The following OTUD7B variants were observed in gnomAD, a reference collection of about 807,000 sequenced individuals.
OTUD7B encodes OTU domain-containing protein 7B.
In OTUD7B, 34 loss-of-function variants were observed where a neutral mutation model predicts 82.2. The observed-to-expected ratio is 0.41, with a 90% CI of 0.31 to 0.55. OTUD7B has a LOEUF of 0.55. Among genes scored for constraint, OTUD7B ranks in the 20% least tolerant of loss-of-function variants. The pLI is 0.20. For synonymous variants in OTUD7B, 398 were observed against 402.7 expected (o/e 0.99, Z 0.14); for missense variants, 944 against 1,062.1 (o/e 0.89, Z 1.55).
At chr1:149,950,789 G>GTTT (rs76513068) in intron 7 of OTUD7B, among the ~76,000 whole-genome samples, 111,461 of 132,858 alleles carry the variant, frequency 0.84, 47,353 homozygotes, top group East Asian at 0.97. Context: ...TGTGTTTTTT[G>GTTT]TTTTTTTTTC....
At position 149,950,202 on chromosome 1, in the gene OTUD7B, G is replaced by A. The variant is rs377556262; in HGVS notation, c.865C>T (p.Pro289Ser). 6.2e-7 allele frequency: 1 copy of A among 1,614,034 alleles called. No homozygotes were observed. The change falls in exon 8 of 12, where the codon CCT becomes TCT. Residue 289 changes from proline to serine, a missense_variant. Coordinates refer to ENST00000581312, the MANE Select transcript of OTUD7B (RefSeq NM_020205.4). ...AACTCTTCAAGGCTCTCATATACAGGCTCCTCAGAACTCTCCACCCTGGAA... is the reference window on the plus strand; with the variant it reads ...AACTCTTCAAGGCTCTCATATACAGACTCCTCAGAACTCTCCACCCTGGAA... ...NCGGVESSEE[P>S]VYESLEEFHV...
At chr1:149,955,504 A>T (rs190235711) in intron 7 of OTUD7B, among the ~76,000 whole-genome samples, 1 of 152,376 alleles carries the variant, frequency 6.6e-6, no homozygotes, top group African/African-American at 2.4e-5. Flanking sequence ...GGTGCTAAGA[A>T]GAATGTATAT....
chr1:150,035,957 G>GTTTTTT, the OTUD7B span, among the ~76,000 whole-genome samples: 1 of 134,268 alleles, frequency 7.4e-6, no homozygotes, highest in Non-Finnish European at 1.5e-5. Context: ...CATTGTAACT[G>GTTTTTT]TTTTTTTTTT....
At position 149,941,840 on chromosome 1, in the gene OTUD7B, C is replaced by T. The variant is rs1647279433; in HGVS notation, c.*2017G>A. 6.6e-6 allele frequency: 1 copy of T among 152,108 alleles called. No homozygotes were observed. The highest frequency in any genetic ancestry group is 1.5e-5 in the Non-Finnish European group (1 of 68,030). 9.4% of individuals were successfully genotyped at this position (152,108 alleles called of 1,614,324 possible). On this transcript the variant is annotated 3_prime_UTR_variant, in exon 12 of 12. Transcript: ENST00000581312. The stretch of plus-strand genomic sequence containing the variant: ...TTATAGTAACCCTTAAATTTTGCAA[C>T]TTAGGGGAGTGCTCATCTCATACCA...
chr1:150,023,726 G>C, the OTUD7B span, among the ~76,000 whole-genome samples: 14 of 152,148 alleles, frequency 9.2e-5, no homozygotes, highest in African/African-American at 3.4e-4. Flanking sequence ...GCAGCATGAC[G>C]ACCTTGGTTA....
the OTUD7B span, among the ~76,000 whole-genome samples, chr1:150,026,974 A>C: frequency 1.3e-5 from 2 of 152,250 alleles, no homozygotes; most frequent in Non-Finnish European, 2.9e-5. Flanking sequence ...TGAAATTTCT[A>C]AACAGTTAAA....
chr1:150,026,638 G>T, the OTUD7B span, among the ~76,000 whole-genome samples: 4 of 152,236 alleles, frequency 2.6e-5, no homozygotes, highest in South Asian at 8.3e-4. Flanking sequence ...TTTTTCTCGG[G>T]TTACAAGGTC....
upstream of OTUD7B, among the ~76,000 whole-genome samples, chr1:150,014,857 T>C (rs1038571052): frequency 5.3e-5 from 8 of 152,178 alleles, no homozygotes; most frequent in East Asian, 1.5e-3. Context: ...TTGATAAGGA[T>C]GGCTGTTACA....
rs189175895 is a variant in OTUD7B, at chr1:150,001,877, C to T, written c.-67+8571G>A. 3.4e-3 allele frequency among the ~76,000 whole-genome samples: 515 copies of T among 152,306 alleles called. 4 individuals are homozygous for T. The highest frequency in any genetic ancestry group is 0.012 in the African/African-American group (493 of 41,562). On this transcript the variant is annotated intron_variant, in intron 1 of 11. Coordinates refer to ENST00000581312, the MANE Select transcript of OTUD7B (RefSeq NM_020205.4). Reference sequence around the variant, plus strand: ...AATGGAAGGTATCCATCCTTCCACACGTCCTTAAGTCCCAATTTCTCCCAG... The same window carrying T: ...AATGGAAGGTATCCATCCTTCCACATGTCCTTAAGTCCCAATTTCTCCCAG...
chr1:150,023,598 A>G, the OTUD7B span, among the ~76,000 whole-genome samples: 2 of 152,226 alleles, frequency 1.3e-5, no homozygotes, highest in Non-Finnish European at 2.9e-5. Flanking sequence ...TCATAGACAC[A>G]GAGAGTAGAA....
At chr1:149,965,206 T>A (rs920502051) in intron 5 of OTUD7B, among the ~76,000 whole-genome samples, 5 of 152,112 alleles carry the variant, frequency 3.3e-5, no homozygotes, top group Non-Finnish European at 5.9e-5. Flanking sequence ...ACTTTAAATA[T>A]TAAGCCTATT....
At chr1:150,026,843 G>A in the OTUD7B span, among the ~76,000 whole-genome samples, 34 of 152,176 alleles carry the variant, frequency 2.2e-4, no homozygotes, top group Non-Finnish European at 2.6e-4. Flanking sequence ...CTGCAGATTG[G>A]CCATATAAAC....
chr1:150,012,299 A>G (rs1410782500), upstream of OTUD7B, among the ~76,000 whole-genome samples: 1 of 152,114 alleles, frequency 6.6e-6, no homozygotes, highest in Non-Finnish European at 1.5e-5. Flanking sequence ...GTTGGAAAGG[A>G]GCTGAAAAGG....
intron 1 of OTUD7B, among the ~76,000 whole-genome samples, chr1:149,998,146 T>C (rs782284499): frequency 2.0e-5 from 3 of 152,122 alleles, no homozygotes; most frequent in Admixed American, 2.0e-4. Context: ...AGTTACCAAA[T>C]TCCCCTTATC....
At chr1:149,994,193 T>C (rs2101908151) in intron 1 of OTUD7B, among the ~76,000 whole-genome samples, 1 of 151,068 alleles carries the variant, frequency 6.6e-6, no homozygotes, top group East Asian at 1.9e-4. Flanking sequence ...AACTTTGCAG[T>C]TCATAAAATA....
At chr1:149,965,006 C>T (rs1014006500) in intron 5 of OTUD7B, among the ~76,000 whole-genome samples, 1 of 151,386 alleles carries the variant, frequency 6.6e-6, no homozygotes, top group Non-Finnish European at 1.5e-5. Flanking sequence ...AATTCTCCTG[C>T]CTCAGCCTCC....
At position 149,951,001 on chromosome 1, in the gene OTUD7B, T is replaced by TTTTTTTTTTTTTTTTTTTTTTTTTTG. The variant is rs1388877490; in HGVS notation, c.846-781_846-780insCAAAAAAAAAAAAAAAAAAAAAAAAA. ...TATTTTTTTTTTTTTTTTTTTTTTG[T>TTTTTTTTTTTTTTTTTTTTTTTTTTG]AGATGGAGTCTCACTCTTTCGCCCA... On this transcript the variant is annotated intron_variant, in intron 7 of 11. Transcript: ENST00000581312. 4.7e-5 allele frequency among the ~76,000 whole-genome samples: 3 copies of TTTTTTTTTTTTTTTTTTTTTTTTTTG among 63,706 alleles called. 1 individual carries two copies. The highest frequency in any genetic ancestry group is 7.0e-5 in the African/African-American group (1 of 14,344). 41.8% of individuals were successfully genotyped at this position (63,706 alleles called of 152,430 possible).
At chr1:150,065,852 T>TTTTTTTTTTTTTTTTTTTTTTTTTTTG in the OTUD7B span, among the ~76,000 whole-genome samples, 1 of 152,204 alleles carries the variant, frequency 6.6e-6, no homozygotes, top group African/African-American at 2.4e-5. Flanking sequence ...TCAAAATGTT[T>TTTTTTTTTTTTTTTTTTTTTTTTTTTG]ATGTTCCATA....
At chr1:149,993,290 C>T (rs1390179722) in intron 1 of OTUD7B, among the ~76,000 whole-genome samples, 1 of 152,232 alleles carries the variant, frequency 6.6e-6, no homozygotes, top group East Asian at 1.9e-4. Flanking sequence ...CAGGTCACTG[C>T]AATTCTCTCC....
Sources: gnomAD v4.1 joint callset for allele counts (sites outside exome capture counted in the v4.1 genomes callset) on GRCh38, gnomAD v4.1.1 for gene constraint, MANE v1.5 for transcripts, NCBI Gene and HGNC (gene_info 2026-07-23, HGNC 2026-07-21) for gene names.